The following TMEM94 variants were observed in gnomAD, a reference collection of about 807,000 sequenced individuals.
TMEM94 encodes the protein transmembrane protein 94.
A neutral mutation model predicts 158.6 loss-of-function variants in TMEM94; 81 were observed. The ratio of observed to expected loss-of-function variants is 0.51; its 90% CI spans 0.43 to 0.61. The LOEUF (loss-of-function observed/expected upper bound fraction) is 0.61. Among genes scored for constraint, TMEM94 ranks in the 20% least tolerant of loss-of-function variants. The pLI is 0.00. For synonymous variants in TMEM94, 751 were observed against 730.7 expected (o/e 1.03, Z -0.45); for missense variants, 1,435 against 1,762.0 (o/e 0.81, Z 3.32).
chr17:75,485,589 G>A lies in TMEM94; in HGVS notation c.144+42G>A, dbSNP rs193267192. The A allele has an allele frequency of 6.2e-7, 1 of 1,613,094 alleles. No homozygotes were observed. The highest frequency in any genetic ancestry group is 1.3e-5 in the African/African-American group (1 of 74,914). ...GGGCTACCAGGGCCTGGCTGGGATG[G>A]CAGGGAAGTGTGGGAGGCCCCTTCT... On this transcript the variant is annotated intron_variant, in intron 3 of 31. Coordinates refer to ENST00000314256, the MANE Select transcript of TMEM94 (RefSeq NM_014738.6). The surrounding 1 kb of genome is among the most constrained non-coding windows in gnomAD (Gnocchi z 5.5).
At chr17:75,476,749 T>C (rs1246387249) in intron 2 of TMEM94, 2 of 1,535,704 alleles carry the variant, frequency 1.3e-6, no homozygotes, top group Middle Eastern at 1.7e-4. Context: ...ACAAAGTGAG[T>C]ATGCTGGCAG....
rs549718760 is a variant in TMEM94 at position 75,486,368 on chromosome 17, C to T, written c.351C>T (p.Asp117=). ...ACCTTGTGCTCATCGGGCGGCAAGA[C>T]CGGCTGAAGCGTCGGGAGGTAGAGC... ...LLNLVLIGRQ[D]RLKRREVERR... Residue 117 remains aspartate (D), a synonymous_variant, in exon 5 of 32, where the codon GAC becomes GAT. Coordinates refer to ENST00000314256, the MANE Select transcript of TMEM94 (RefSeq NM_014738.6). The T allele has an allele frequency of 6.2e-7, 1 of 1,614,096 alleles. No individual in the cohort carries two copies. Among genetic ancestry groups the T allele is most frequent in the South Asian group, 1.1e-5 (1 of 91,092 alleles).
intron 16 of TMEM94, 166 bp from the exon 17 acceptor site, chr17:75,493,325 C>A: frequency 1.2e-6 from 1 of 842,244 alleles, no homozygotes; most frequent in Non-Finnish European, 1.9e-6. Flanking sequence ...TGTCTGCATT[C>A]CAAGCCCAGT....
chr17:75,496,589 C>T (rs893246209), intron 24 of TMEM94, 118 bp downstream of exon 24: 13 of 1,395,162 alleles, frequency 9.3e-6, no homozygotes, highest in African/African-American at 1.4e-5. Context: ...TCCGAGCGGG[C>T]TCTCCCAGGC....
intron 1 of TMEM94, among the ~76,000 whole-genome samples, chr17:75,463,305 C>T (rs1401880888): frequency 2.0e-5 from 3 of 150,760 alleles, no homozygotes; most frequent in Non-Finnish European, 4.4e-5. Flanking sequence ...TGGCCCTTCT[C>T]ACTGCTTGTA....
chr17:75,479,615 G>C (rs1478767609), intron 2 of TMEM94, among the ~76,000 whole-genome samples: 2 of 151,490 alleles, frequency 1.3e-5, no homozygotes, highest in East Asian at 4.0e-4. Context: ...ACTGAGCCCG[G>C]CCTACAAAAA....
chr17:75,476,815 G>A (rs1042467266), intron 2 of TMEM94: 25 of 1,530,316 alleles, frequency 1.6e-5, no homozygotes, highest in African/African-American at 4.1e-5. Flanking sequence ...GGGAGTCTTC[G>A]GGTTAGCGGT....
chr17:75,497,214 T>C lies in TMEM94; in HGVS notation c.3407+16T>C. On this transcript the variant is annotated intron_variant, in intron 26 of 31. Transcript: ENST00000314256. ...CTCTGCTCAGGTGAGATGCCATGTATCTTCCCCACACCCCATGCCTAAGCA... is the reference window on the plus strand; with the variant it reads ...CTCTGCTCAGGTGAGATGCCATGTACCTTCCCCACACCCCATGCCTAAGCA... The C allele has an allele frequency of 6.2e-7, 1 of 1,601,882 alleles. No individual in the cohort carries two copies. Among genetic ancestry groups the C allele is most frequent in the Non-Finnish European group, 8.6e-7 (1 of 1,169,272 alleles).
chr17:75,485,156 T>C lies in TMEM94; in HGVS notation c.25-272T>C. On this transcript the variant is annotated intron_variant, in intron 2 of 31. Coordinates refer to ENST00000314256, the MANE Select transcript of TMEM94 (RefSeq NM_014738.6). This position sits in a 1 kb window ranked among gnomAD's most constrained non-coding sequence, Gnocchi z 5.5. ...AGCTCGCCAGGGGCAGTGGGGAAAG[T>C]GAGTTGGGGAACATGGAATAAAAGA... Among the ~76,000 whole-genome samples, 1 of 151,700 alleles carries C rather than the reference T, an allele frequency of 6.6e-6. No homozygotes were observed. The highest frequency in any genetic ancestry group is 1.9e-4 in the East Asian group (1 of 5,148).
chr17:75,482,295 G>A (rs1009472435), intron 2 of TMEM94, among the ~76,000 whole-genome samples: 1 of 151,498 alleles, frequency 6.6e-6, no homozygotes, highest in East Asian at 1.9e-4. Context: ...GCAGTGAGCT[G>A]AGATTGCGCC....
At chr17:75,494,357 A>T (rs1304847707) in intron 18 of TMEM94, among the ~76,000 whole-genome samples, 2 of 152,166 alleles carry the variant, frequency 1.3e-5, no homozygotes, top group Admixed American at 6.5e-5. Context: ...CTGTGAATTG[A>T]AACAGTTGCT....
Position 75,497,881 on chromosome 17 carries a change from G to A in TMEM94, c.3489+19G>A, listed in dbSNP as rs2052882155. The A allele has an allele frequency of 1.2e-6, 2 of 1,604,238 alleles. No homozygotes were observed. The highest frequency in any genetic ancestry group is 1.7e-6 in the Non-Finnish European group (2 of 1,171,250). ...CAAGAAGGTAAGCAAAACAGACCCT[G>A]TGAGCCTTGCAAGTGAGCATGGAAG... On this transcript the variant is annotated intron_variant, in intron 27 of 31. Transcript: ENST00000314256.
Position 75,498,770 on chromosome 17 carries a change from G to A in TMEM94, c.3827+48G>A, listed in dbSNP as rs1224961622. 1.3e-6 allele frequency: 2 copies of A among 1,533,282 alleles called. No individual in the cohort carries two copies. Among genetic ancestry groups the A allele is most frequent in the Non-Finnish European group, 1.8e-6 (2 of 1,138,846 alleles). The allele number at this position is 1,533,282 out of a possible 1,614,324, so 95.0% of individuals were successfully genotyped here. Reference sequence around the variant, plus strand: ...GCGGAGTGTGGGCTGGGGAGGAGAGGGCCTTCTGCAGGGCTAGGATCGGAG... The same window carrying A: ...GCGGAGTGTGGGCTGGGGAGGAGAGAGCCTTCTGCAGGGCTAGGATCGGAG... On this transcript the variant is annotated intron_variant, in intron 30 of 31. Transcript: ENST00000314256. The surrounding 1 kb of genome is among the most constrained non-coding windows in gnomAD (Gnocchi z 6.7).
chr17:75,476,186 G>A (rs1033771763), intron 2 of TMEM94, among the ~76,000 whole-genome samples: 5 of 152,160 alleles, frequency 3.3e-5, no homozygotes, highest in African/African-American at 1.2e-4. Context: ...GCTGGGATTT[G>A]TGTGTCCCAG....
Position 75,495,075 on chromosome 17 carries a change from G to GT in TMEM94, c.2728+41_2728+42insT. 9.6e-7 allele frequency: 1 copy of GT among 1,037,348 alleles called. No individual in the cohort carries two copies. Among genetic ancestry groups the GT allele is most frequent in the African/African-American group, 1.6e-5 (1 of 62,896 alleles). The allele number at this position is 1,037,348 out of a possible 1,614,324, so 64.3% of individuals were successfully genotyped here. On this transcript the variant is annotated intron_variant, in intron 20 of 31. Transcript: ENST00000314256. The surrounding 1 kb of genome is among the most constrained non-coding windows in gnomAD (Gnocchi z 5.6). ...TGGGGTGGGGACGGGGTGGCGGTGG[G>GT]AGGATTCCCCTCCTCAGAGCCACAG...
In TMEM94 at chr17:75,492,202, A is replaced by G; in HGVS notation, c.1597-272A>G. 7.4e-7 allele frequency: 1 copy of G among 1,342,974 alleles called. No homozygotes were observed. The highest frequency in any genetic ancestry group is 9.8e-7 in the Non-Finnish European group (1 of 1,020,948). The allele number at this position is 1,342,974 out of a possible 1,614,324, so 83.2% of individuals were successfully genotyped here. A position where few individuals can be genotyped will look rare whatever the true frequency, so the allele number is the denominator to read the frequency against. ...TTCCCTGGCCACAGAAGATCCCTCA[A>G]CTGTGTCCTCTTTGGTCTGGCCACC... On this transcript the variant is annotated intron_variant, in intron 14 of 31. Transcript: ENST00000314256. The surrounding 1 kb of genome is among the most constrained non-coding windows in gnomAD (Gnocchi z 4.4).
intron 1 of TMEM94, among the ~76,000 whole-genome samples, chr17:75,470,384 GCAGGTGGAT>G (rs1284727611): frequency 2.0e-5 from 3 of 152,040 alleles, no homozygotes; most frequent in African/African-American, 4.8e-5. Flanking sequence ...AGAGGCCGAG[GCAGGTGGAT>G]CACTTGAGGT....
Position 75,498,348 on chromosome 17 carries a change from C to A in TMEM94, c.3638+25C>A, listed in dbSNP as rs779817812. 2 of 1,612,812 alleles carry A rather than the reference C, an allele frequency of 1.2e-6. No individual in the cohort carries two copies. Among genetic ancestry groups the A allele is most frequent in the Non-Finnish European group, 8.5e-7 (1 of 1,179,824 alleles). On this transcript the variant is annotated intron_variant, in intron 28 of 31. Transcript: ENST00000314256. This position sits in a 1 kb window ranked among gnomAD's most constrained non-coding sequence, Gnocchi z 6.7. ...GGTGGGTCCCAGCCCCAGAGATCCA[C>A]CCATCGCCTGCCTCGCCTCGAGGCT...
rs749554135 is a variant in TMEM94 at position 75,495,520 on chromosome 17, C to T, written c.2845-24C>T. 21 of 1,611,498 alleles carry T rather than the reference C, an allele frequency of 1.3e-5. No individual in the cohort carries two copies. The highest frequency in any genetic ancestry group is 8.0e-5 in the African/African-American group (6 of 74,876). ...GGGATGCTGATCCCCATCCCGAAGC[C>T]GCTGGCATCTCTGCTTTCTCCAGGC... On this transcript the variant is annotated intron_variant, in intron 21 of 31. Coordinates refer to ENST00000314256, the MANE Select transcript of TMEM94 (RefSeq NM_014738.6). The surrounding 1 kb of genome is among the most constrained non-coding windows in gnomAD (Gnocchi z 5.6).
Sources: gnomAD v4.1 joint callset for allele counts (sites outside exome capture counted in the v4.1 genomes callset) on GRCh38, gnomAD v4.1.1 for gene constraint, Gnocchi (gnomAD v3.1) non-coding constraint, MANE v1.5 for transcripts, NCBI Gene and HGNC (gene_info 2026-07-23, HGNC 2026-07-21) for gene names.